The following NAALADL2 variants were observed in gnomAD, a reference collection of about 807,000 sequenced individuals.
The protein encoded by NAALADL2 is inactive N-acetylated-alpha-linked acidic dipeptidase-like protein 2.
Under a neutral mutation model 87.2 loss-of-function variants are expected in NAALADL2, and 76 were observed. The ratio of observed to expected loss-of-function variants is 0.87; its 90% CI spans 0.72 to 1.05. The LOEUF is 1.05. NAALADL2 is among the 50% of genes least tolerant of loss of function. The pLI, the probability that NAALADL2 is intolerant of heterozygous loss-of-function variation, is 0.00. For synonymous variants in NAALADL2, 354 were observed against 331.0 expected, an observed-to-expected ratio of 1.07 and a Z score of -0.75; for missense variants, 1,089 against 945.8, an observed-to-expected ratio of 1.15 and a Z score of -1.99.
At chr3:174,592,939 A>C (rs1717530380) in intron 2 of NAALADL2, among the ~76,000 whole-genome samples, 1 of 152,044 alleles carries the variant, frequency 6.6e-6, no homozygotes, top group African/African-American at 2.4e-5. Context: ...AAGAGAAAGA[A>C]AGAGGAAGAA....
chr3:174,519,381 T>G (rs1720128670), intron 1 of NAALADL2, among the ~76,000 whole-genome samples: 1 of 149,492 alleles, frequency 6.7e-6, no homozygotes, highest in Non-Finnish European at 1.5e-5. Context: ...CAGGCTGGAG[T>G]GCAGTGGTGT....
At chr3:175,288,490 G>A (rs1755255256) in intron 4 of NAALADL2, among the ~76,000 whole-genome samples, 2 of 152,108 alleles carry the variant, frequency 1.3e-5, no homozygotes, top group African/African-American at 4.8e-5. Flanking sequence ...AGCATTTAAG[G>A]AAAATATGCA....
At position 175,580,239 on chromosome 3, in the gene NAALADL2, T is replaced by A. The variant is rs539356399; in HGVS notation, c.1800+4052T>A. On this transcript the variant is annotated intron_variant, in intron 10 of 13. Transcript: ENST00000454872. ...ATATACAGCAGTATGTAATTATGCC[T>A]CTGTGTGTGTGTGTGTGTGAATTTT... Among the ~76,000 whole-genome samples, 11 of 151,474 alleles carry A rather than the reference T, an allele frequency of 7.3e-5. No homozygotes were observed. The South Asian group carries it at 2.3e-3, about 31-fold the overall frequency.
chr3:175,587,457 C>T (rs1330301244), intron 10 of NAALADL2, among the ~76,000 whole-genome samples: 1 of 152,122 alleles, frequency 6.6e-6, no homozygotes, highest in Admixed American at 6.5e-5. Flanking sequence ...ATAGCCTGGG[C>T]TTCTCCTAAA....
intron 13 of NAALADL2, among the ~76,000 whole-genome samples, chr3:175,758,771 C>A (rs1410778791): frequency 2.6e-5 from 4 of 151,680 alleles, no homozygotes; most frequent in Non-Finnish European, 5.9e-5. Flanking sequence ...TACAAAAGAA[C>A]ATTTGGTGAA....
At chr3:175,727,118 C>G (rs900110957) in intron 11 of NAALADL2, among the ~76,000 whole-genome samples, 2 of 151,902 alleles carry the variant, frequency 1.3e-5, no homozygotes, top group Non-Finnish European at 2.9e-5. Context: ...CCAAGTGGTC[C>G]CGAGAGCCTT....
chr3:175,190,576 C>G (rs1000297497), intron 2 of NAALADL2, among the ~76,000 whole-genome samples: 1 of 152,076 alleles, frequency 6.6e-6, no homozygotes, highest in Non-Finnish European at 1.5e-5. Flanking sequence ...GAAAAGAGGA[C>G]TCTTGATGGC....
intron 6 of NAALADL2, among the ~76,000 whole-genome samples, chr3:175,448,098 G>T (rs1161656532): frequency 6.6e-6 from 1 of 151,958 alleles, no homozygotes. Flanking sequence ...TTTTTCTCTT[G>T]ACAACAAAAG....
intron 4 of NAALADL2, among the ~76,000 whole-genome samples, chr3:175,297,486 T>C (rs1756527889): frequency 6.6e-6 from 1 of 152,210 alleles, no homozygotes; most frequent in African/African-American, 2.4e-5. Flanking sequence ...AACCAGCCAT[T>C]AATTCCTAAG....
At chr3:174,771,033 GAATT>G (rs1440837525) in intron 3 of NAALADL2, among the ~76,000 whole-genome samples, 1 of 152,060 alleles carries the variant, frequency 6.6e-6, no homozygotes, top group Non-Finnish European at 1.5e-5. Context: ...GTCCAAACTA[GAATT>G]AATATACAAA....
intron 1 of NAALADL2, among the ~76,000 whole-genome samples, chr3:174,448,146 A>G (rs997722355): frequency 1.2e-4 from 18 of 152,258 alleles, no homozygotes; most frequent in Non-Finnish European, 2.2e-4. Context: ...TTTTGAAATT[A>G]TTGACATACA....
At chr3:175,362,775 T>C (rs990148514) in intron 5 of NAALADL2, among the ~76,000 whole-genome samples, 5 of 148,018 alleles carry the variant, frequency 3.4e-5, no homozygotes, top group Admixed American at 6.9e-5. Flanking sequence ...TCCATAGTGG[T>C]TGTACTAGTT....
At chr3:175,326,316 A>G (rs1347005543) in intron 5 of NAALADL2, among the ~76,000 whole-genome samples, 2 of 152,186 alleles carry the variant, frequency 1.3e-5, no homozygotes, top group Admixed American at 1.3e-4. Context: ...CATTCTGATC[A>G]TGACCATTTA....
rs576131901 is a variant in NAALADL2 at position 175,439,159 on chromosome 3, G to A, written c.1091-8070G>A. Among the ~76,000 whole-genome samples, 96 of 152,126 alleles carry A rather than the reference G, an allele frequency of 6.3e-4. No homozygotes were observed. In the South Asian group the frequency reaches 8.3e-3, roughly 13 times the overall value. ...GAATAATGATCTCCAATTCCATCCC[G>A]GTTGCTGCAAATGCCATTATTGTGT... On this transcript the variant is annotated intron_variant, in intron 5 of 13. Coordinates refer to ENST00000454872, the MANE Select transcript of NAALADL2 (RefSeq NM_207015.3).
intron 11 of NAALADL2, among the ~76,000 whole-genome samples, chr3:175,710,167 A>C (rs1740331361): frequency 6.6e-6 from 1 of 151,398 alleles, no homozygotes; most frequent in Admixed American, 6.6e-5. Flanking sequence ...GAAGGGAAGG[A>C]ATCTAGGAAA....
At chr3:175,445,609 C>T (rs1358283587) in intron 5 of NAALADL2, among the ~76,000 whole-genome samples, 2 of 152,054 alleles carry the variant, frequency 1.3e-5, no homozygotes, top group South Asian at 2.1e-4. Context: ...TGCCTTTTTC[C>T]CTTTTCTCCT....
chr3:174,696,871 A>G (rs187581785), intron 2 of NAALADL2, among the ~76,000 whole-genome samples: 137 of 152,204 alleles, frequency 9.0e-4, no homozygotes, highest in African/African-American at 3.1e-3. Context: ...ATTTTTGAGC[A>G]TTATAAAAAT....
chr3:174,534,677 C>G (rs1217749637), intron 1 of NAALADL2, among the ~76,000 whole-genome samples: 1 of 152,152 alleles, frequency 6.6e-6, no homozygotes, highest in Non-Finnish European at 1.5e-5. Context: ...ATATATACCC[C>G]TAAATCAATC....
At chr3:174,782,831 G>T (rs1290290892) in intron 3 of NAALADL2, among the ~76,000 whole-genome samples, 1 of 152,060 alleles carries the variant, frequency 6.6e-6, no homozygotes, top group African/African-American at 2.4e-5. Flanking sequence ...CAGCATGGAG[G>T]TAACCGCCCC....
Sources: gnomAD v4.1 joint callset for allele counts (sites outside exome capture counted in the v4.1 genomes callset) on GRCh38, gnomAD v4.1.1 for gene constraint, MANE v1.5 for transcripts, NCBI Gene and HGNC (gene_info 2026-07-23, HGNC 2026-07-21) for gene names.